The following UBE2E2 variants were observed in gnomAD, a reference collection of about 807,000 sequenced individuals.
UBE2E2 encodes ubiquitin-conjugating enzyme E2 E2.
In UBE2E2, 6 loss-of-function variants were observed where a neutral mutation model predicts 24.7. That is an observed-to-expected ratio of 0.24 (90% CI 0.13 to 0.48). The LOEUF (loss-of-function observed/expected upper bound fraction) is 0.48. UBE2E2 is among the 20% of genes least tolerant of loss of function. The probability of loss-of-function intolerance (pLI) is 0.99; values close to 1 mark genes in which losing one functional copy is unlikely to be tolerated. For synonymous variants in UBE2E2, 104 were observed against 83.6 expected (o/e 1.24, Z -1.33); for missense variants, 169 against 245.0 (o/e 0.69, Z 2.07).
chr3:23,251,774 C>T (rs1227197356), intron 3 of UBE2E2, among the ~76,000 whole-genome samples: 1 of 152,082 alleles, frequency 6.6e-6, no homozygotes, highest in East Asian at 1.9e-4. Context: ...TAATCTCTCT[C>T]GACTATTTAT....
At chr3:23,462,912 A>G (rs1231014701) in intron 3 of UBE2E2, among the ~76,000 whole-genome samples, 2 of 152,078 alleles carry the variant, frequency 1.3e-5, no homozygotes, top group African/African-American at 4.8e-5. Flanking sequence ...TAAAATTCGA[A>G]TGGTTTGTAA....
At chr3:23,532,875 G>GTT (rs1216603455) in intron 5 of UBE2E2, among the ~76,000 whole-genome samples, 174 bp downstream of exon 5, 1 of 152,014 alleles carries the variant, frequency 6.6e-6, no homozygotes, top group Non-Finnish European at 1.5e-5. Flanking sequence ...TCTCATTAGT[G>GTT]TTTTTAAGAC....
intron 4 of UBE2E2, among the ~76,000 whole-genome samples, chr3:23,503,202 G>GT (rs780815622): frequency 2.7e-4 from 41 of 150,512 alleles, no homozygotes; most frequent in Admixed American, 8.6e-4. Context: ...TTTTGTTTTT[G>GT]TTTTTTGAGA....
chr3:23,528,938 C>A (rs1401540942), intron 4 of UBE2E2, among the ~76,000 whole-genome samples: 2 of 152,296 alleles, frequency 1.3e-5, no homozygotes, highest in East Asian at 3.9e-4. Flanking sequence ...TCTACCACAT[C>A]TATGCCGTGG....
chr3:23,314,555 A>G (rs959723755), intron 3 of UBE2E2, among the ~76,000 whole-genome samples: 2 of 152,150 alleles, frequency 1.3e-5, no homozygotes, highest in Admixed American at 1.3e-4. Flanking sequence ...TGAGTTTTGT[A>G]TCTTCACATC....
chr3:23,333,966 T>C (rs1376846460), intron 3 of UBE2E2, among the ~76,000 whole-genome samples: 2 of 152,224 alleles, frequency 1.3e-5, no homozygotes, highest in African/African-American at 2.4e-5. Context: ...CTTTCAATTG[T>C]ATTATTGTTA....
At chr3:23,273,635 T>C (rs1174249464) in intron 3 of UBE2E2, among the ~76,000 whole-genome samples, 1 of 152,244 alleles carries the variant, frequency 6.6e-6, no homozygotes, top group Non-Finnish European at 1.5e-5. Flanking sequence ...ATGGTTTTGC[T>C]TAAAGTCATA....
At chr3:23,457,655 A>G (rs1698709616) in intron 3 of UBE2E2, among the ~76,000 whole-genome samples, 1 of 152,176 alleles carries the variant, frequency 6.6e-6, no homozygotes, top group Non-Finnish European at 1.5e-5. Context: ...AACTTGGACT[A>G]CAGGCATTCA....
At chr3:23,567,160 A>G (rs879646640) in intron 5 of UBE2E2, among the ~76,000 whole-genome samples, 1 of 152,210 alleles carries the variant, frequency 6.6e-6, no homozygotes, top group Non-Finnish European at 1.5e-5. Context: ...CAGCAGAAAG[A>G]TGGAAAACAA....
intron 3 of UBE2E2, among the ~76,000 whole-genome samples, chr3:23,470,331 G>A (rs1335781776): frequency 1.3e-5 from 2 of 152,156 alleles, no homozygotes; most frequent in African/African-American, 2.4e-5. Flanking sequence ...CCCCCAATCC[G>A]GGGTTTGACA....
chr3:23,464,598 A>G (rs1228325486), intron 3 of UBE2E2, among the ~76,000 whole-genome samples: 1 of 152,188 alleles, frequency 6.6e-6, no homozygotes, highest in African/African-American at 2.4e-5. Context: ...AAGACAAAAT[A>G]AATTAACTGT....
chr3:23,247,221 TATTA>T (rs1697436132), intron 3 of UBE2E2, among the ~76,000 whole-genome samples: 1 of 152,178 alleles, frequency 6.6e-6, no homozygotes, highest in African/African-American at 2.4e-5. Context: ...TATTCCAATT[TATTA>T]ATTAATACTC....
chr3:23,285,509 T>C (rs972219673), intron 3 of UBE2E2, among the ~76,000 whole-genome samples: 1 of 152,224 alleles, frequency 6.6e-6, no homozygotes, highest in Non-Finnish European at 1.5e-5. Context: ...ACAAGGATTT[T>C]CTTTTCTCAG....
chr3:23,327,008 C>CT (rs1236783554), intron 3 of UBE2E2, among the ~76,000 whole-genome samples: 9 of 152,142 alleles, frequency 5.9e-5, no homozygotes, highest in Non-Finnish European at 1.3e-4. Context: ...TGAACTCATC[C>CT]TTTTTTATGG....
intron 5 of UBE2E2, among the ~76,000 whole-genome samples, chr3:23,535,430 G>A (rs980696298): frequency 2.0e-5 from 3 of 151,974 alleles, no homozygotes; most frequent in Non-Finnish European, 4.4e-5. Flanking sequence ...TTTTACAATC[G>A]AAAAAAGCTG....
At chr3:23,238,087 T>C (rs1456992539) in intron 3 of UBE2E2, among the ~76,000 whole-genome samples, 1 of 152,182 alleles carries the variant, frequency 6.6e-6, no homozygotes, top group African/African-American at 2.4e-5. Flanking sequence ...ATATGAGATA[T>C]GGCCTCTTGA....
At chr3:23,441,795 GCTAA>G (rs1698312246) in intron 3 of UBE2E2, among the ~76,000 whole-genome samples, 2 of 151,944 alleles carry the variant, frequency 1.3e-5, no homozygotes, top group South Asian at 2.1e-4. Flanking sequence ...GATATTATGA[GCTAA>G]CTATTTTAAA....
chr3:23,291,491 AG>A (rs1288948999), intron 3 of UBE2E2, among the ~76,000 whole-genome samples: 1 of 152,184 alleles, frequency 6.6e-6, no homozygotes, highest in East Asian at 1.9e-4. Context: ...TTTGTTACTC[AG>A]TAGGTTTAAT....
Position 23,583,753 on chromosome 3 carries a change from G to A in UBE2E2, c.509-5981G>A, listed in dbSNP as rs79583930. Among the ~76,000 whole-genome samples, 22,575 of 152,136 alleles carry A rather than the reference G, an allele frequency of 0.15. 1,748 individuals carry two copies. The highest frequency in any genetic ancestry group is 0.2 in the Middle Eastern group (59 of 294). On this transcript the variant is annotated intron_variant, in intron 5 of 5. Transcript: ENST00000396703. The surrounding 1 kb of genome is among the most constrained non-coding windows in gnomAD (Gnocchi z 4.1). ...ATGCATAGAAATGCTACTGATTTTT[G>A]TGCATTGATTTTGTATCCTGACACT...
Sources: gnomAD v4.1 joint callset for allele counts (sites outside exome capture counted in the v4.1 genomes callset) on GRCh38, gnomAD v4.1.1 for gene constraint, Gnocchi (gnomAD v3.1) non-coding constraint, MANE v1.5 for transcripts, NCBI Gene and HGNC (gene_info 2026-07-23, HGNC 2026-07-21) for gene names.